The following GPC6 variants were observed in gnomAD, a reference collection of about 807,000 sequenced individuals.
GPC6 encodes glypican 6.
A neutral mutation model predicts 55.2 loss-of-function variants in GPC6; 14 were observed. The observed-to-expected ratio is 0.25, with a 90% confidence interval of 0.17 to 0.40. GPC6 has a LOEUF of 0.40. Among genes scored for constraint, GPC6 ranks in the 10% least tolerant of loss-of-function variants. The pLI is 1.00. For synonymous variants in GPC6, 278 were observed against 259.6 expected (o/e 1.07, Z -0.68); for missense variants, 641 against 708.5 (o/e 0.90, Z 1.08).
At chr13:93,406,979 T>C (rs1046042858) in intron 1 of GPC6, among the ~76,000 whole-genome samples, 2 of 152,214 alleles carry the variant, frequency 1.3e-5, no homozygotes, top group East Asian at 3.8e-4. Flanking sequence ...TTTTGATTTT[T>C]AAAAAGAAAA....
intron 2 of GPC6, among the ~76,000 whole-genome samples, chr13:93,792,359 G>A (rs988053699): frequency 2.6e-5 from 4 of 152,240 alleles, no homozygotes; most frequent in Non-Finnish European, 5.9e-5. Context: ...CGCCCAGGCG[G>A]GAGTGCAGTG....
At chr13:93,566,252 T>A (rs998905995) in intron 2 of GPC6, among the ~76,000 whole-genome samples, 7 of 152,216 alleles carry the variant, frequency 4.6e-5, no homozygotes, top group African/African-American at 1.7e-4. Flanking sequence ...CAGTAGCTTA[T>A]GAAGATATTT....
At chr13:93,759,696 T>C (rs1380547777) in intron 2 of GPC6, among the ~76,000 whole-genome samples, 7 of 152,154 alleles carry the variant, frequency 4.6e-5, no homozygotes, top group African/African-American at 1.7e-4. Flanking sequence ...CAGAATTTCC[T>C]CCTATTAAAC....
Position 93,609,339 on chromosome 13 carries a change from C to CA in GPC6, c.319+63920dup, listed in dbSNP as rs1878368415. 2.6e-5 allele frequency among the ~76,000 whole-genome samples: 4 copies of CA among 152,176 alleles called. No individual in the cohort carries two copies. The South Asian group carries it at 8.3e-4, about 31-fold the overall frequency. On this transcript the variant is annotated intron_variant, in intron 2 of 8. Coordinates refer to ENST00000377047, the MANE Select transcript of GPC6 (RefSeq NM_005708.5). Reference sequence around the variant, plus strand: ...AAGCAATTCTCCTGCCTCAGCCTCCCAAGTAGCTGGGATTACCGGCACACG... The same window carrying CA: ...AAGCAATTCTCCTGCCTCAGCCTCCCAAAGTAGCTGGGATTACCGGCACACG...
At chr13:94,056,124 T>C (rs1033098116) in intron 4 of GPC6, among the ~76,000 whole-genome samples, 2 of 152,220 alleles carry the variant, frequency 1.3e-5, no homozygotes, top group African/African-American at 4.8e-5. Flanking sequence ...TGATAAATCC[T>C]GAAGGCTGGT....
intron 3 of GPC6, among the ~76,000 whole-genome samples, chr13:93,978,864 T>C (rs1347755703): frequency 6.6e-6 from 1 of 152,222 alleles, no homozygotes; most frequent in Non-Finnish European, 1.5e-5. Flanking sequence ...GCACTTTGAA[T>C]ACATGAACTA....
chr13:93,842,374 T>G (rs1297220196), intron 3 of GPC6, among the ~76,000 whole-genome samples: 3 of 152,136 alleles, frequency 2.0e-5, no homozygotes, highest in Non-Finnish European at 4.4e-5. Context: ...CCATTTTCCA[T>G]AAAATATCAA....
chr13:93,296,529 G>A lies in GPC6; in HGVS notation c.160+68913G>A, dbSNP rs141949123. Reference sequence around the variant, plus strand: ...CCTGTACCTGATGTTCTTTCTGCTTGAGACTCTGTAATCTGGACATGACAA... The same window carrying A: ...CCTGTACCTGATGTTCTTTCTGCTTAAGACTCTGTAATCTGGACATGACAA... On this transcript the variant is annotated intron_variant, in intron 1 of 8. Transcript: ENST00000377047. Among the ~76,000 whole-genome samples, 437 of 152,074 alleles carry A rather than the reference G, an allele frequency of 2.9e-3. 3 individuals carry two copies. The highest frequency in any genetic ancestry group is 0.01 in the African/African-American group (415 of 41,484).
chr13:93,245,988 C>T (rs941509446), intron 1 of GPC6, among the ~76,000 whole-genome samples: 3 of 152,130 alleles, frequency 2.0e-5, no homozygotes, highest in Non-Finnish European at 4.4e-5. Context: ...ACCACAGGAT[C>T]CTATTTTTCT....
intron 1 of GPC6, among the ~76,000 whole-genome samples, chr13:93,296,782 C>T (rs1878507793): frequency 6.6e-6 from 1 of 152,204 alleles, no homozygotes; most frequent in African/African-American, 2.4e-5. Flanking sequence ...TCCATGCAGA[C>T]ATCTCATTCT....
chr13:94,380,468 T>G (rs765334818), intron 6 of GPC6, among the ~76,000 whole-genome samples: 15 of 152,202 alleles, frequency 9.9e-5, no homozygotes, highest in Non-Finnish European at 2.2e-4. Context: ...AACTGAAAAT[T>G]GCATTTTTTG....
At chr13:93,778,962 CATT>C (rs1885551620) in intron 2 of GPC6, among the ~76,000 whole-genome samples, 1 of 152,154 alleles carries the variant, frequency 6.6e-6, no homozygotes, top group South Asian at 2.1e-4. Context: ...TCTAAAAGAT[CATT>C]GAGATAAACA....
chr13:94,247,819 TTTTTC>T (rs1891241126), intron 4 of GPC6, among the ~76,000 whole-genome samples: 1 of 152,066 alleles, frequency 6.6e-6, no homozygotes, highest in African/African-American at 2.4e-5. Flanking sequence ...TTCTTTTCTT[TTTTTC>T]TTTTCTTCTT....
At chr13:93,535,794 G>C (rs1157131420) in intron 1 of GPC6, among the ~76,000 whole-genome samples, 1 of 151,472 alleles carries the variant, frequency 6.6e-6, no homozygotes, top group East Asian at 1.9e-4. Context: ...TGGAAGAGAA[G>C]AGCTACACTT....
intron 4 of GPC6, chr13:94,186,846 G>A (rs1165431525): frequency 2.0e-5 from 3 of 152,192 alleles, no homozygotes; most frequent in Non-Finnish European, 4.4e-5. Context: ...TCAAATAGCA[G>A]GCCAGAATCC....
intron 1 of GPC6, among the ~76,000 whole-genome samples, chr13:93,439,166 G>A (rs9524065): frequency 9.2e-5 from 14 of 152,152 alleles, no homozygotes; most frequent in Non-Finnish European, 1.9e-4. Flanking sequence ...AAAAAATTGT[G>A]TGACTCACTT....
intron 2 of GPC6, among the ~76,000 whole-genome samples, chr13:93,694,878 A>G (rs1882394402): frequency 6.6e-6 from 1 of 152,068 alleles, no homozygotes; most frequent in African/African-American, 2.4e-5. Flanking sequence ...CTTGACCAAA[A>G]TCTCAGTTGT....
chr13:93,462,076 G>C (rs571836794), intron 1 of GPC6, among the ~76,000 whole-genome samples: 1 of 152,284 alleles, frequency 6.6e-6, no homozygotes, highest in South Asian at 2.1e-4. Flanking sequence ...TGCCTCAACA[G>C]CTGTCAATGT....
chr13:93,464,695 C>T (rs1260296106), intron 1 of GPC6, among the ~76,000 whole-genome samples: 1 of 152,180 alleles, frequency 6.6e-6, no homozygotes, highest in Admixed American at 6.5e-5. Context: ...GAATCAAATT[C>T]TTCCAAACAA....
Sources: allele counts gnomAD v4.1 joint callset (sites outside exome capture counted in the v4.1 genomes callset), GRCh38; gene constraint gnomAD v4.1.1; transcripts MANE v1.5; gene names NCBI Gene and HGNC (gene_info 2026-07-23, HGNC 2026-07-21).